BATF3: variants seen among roughly 807,000 people sequenced by gnomAD.
BATF3 encodes the protein basic leucine zipper ATF-like transcription factor 3, also known as basic leucine zipper transcriptional factor ATF-like 3.
A neutral mutation model predicts 16.1 loss-of-function variants in BATF3; 8 were observed. The ratio of observed to expected loss-of-function variants is 0.50; its 90% CI spans 0.29 to 0.90. BATF3 has a LOEUF of 0.90. Among genes scored for constraint, BATF3 ranks in the 40% least tolerant of loss-of-function variants. The probability of loss-of-function intolerance (pLI) is 0.08; values close to 1 mark genes in which losing one functional copy is unlikely to be tolerated. For synonymous variants in BATF3, 74 were observed against 72.7 expected (o/e 1.02, Z -0.09); for missense variants, 139 against 167.0 (o/e 0.83, Z 0.92).
At position 212,699,581 on chromosome 1, in the gene BATF3, A is replaced by C; in HGVS notation, c.90+92T>G. 1 of 1,050,700 alleles carries C rather than the reference A, an allele frequency of 9.5e-7. No individual in the cohort carries two copies. The highest frequency in any genetic ancestry group is 1.2e-6 in the Non-Finnish European group (1 of 822,090). The allele number at this position is 1,050,700 out of a possible 1,614,324, so 65.1% of individuals were successfully genotyped here. A position where few individuals can be genotyped will look rare whatever the true frequency, so the allele number is the denominator to read the frequency against. On this transcript the variant is annotated intron_variant, in intron 1 of 2. Coordinates refer to ENST00000243440, the MANE Select transcript of BATF3 (RefSeq NM_018664.3). The surrounding 1 kb of genome is among the most constrained non-coding windows in gnomAD (Gnocchi z 4.4). Reference sequence around the variant, plus strand: ...CCGCCACCTCTGCACCTCCGCAGTCACCACCACGGAACTCCAGCACCCACC... The same window carrying C: ...CCGCCACCTCTGCACCTCCGCAGTCCCCACCACGGAACTCCAGCACCCACC...
rs377516321 is a variant in BATF3, at chr1:212,696,948, A to C, written c.195+13T>G. 3.7e-6 allele frequency: 6 copies of C among 1,611,148 alleles called. No homozygotes were observed. In the African/African-American group the frequency reaches 8.0e-5, roughly 22 times the overall value. On this transcript the variant is annotated intron_variant, in intron 2 of 2. Coordinates refer to ENST00000243440, the MANE Select transcript of BATF3 (RefSeq NM_018664.3). The stretch of plus-strand genomic sequence containing the variant: ...TGTGGCTCTAAGGTGGCTTGCCCCT[A>C]CCACGGTCTCACCTCATGGAGCTTG...
Position 212,699,806 on chromosome 1 carries a change from G to A in BATF3, c.-44C>T, listed in dbSNP as rs1437794787. On this transcript the variant is annotated 5_prime_UTR_variant, in exon 1 of 3. Coordinates refer to ENST00000243440, the MANE Select transcript of BATF3 (RefSeq NM_018664.3). The surrounding 1 kb of genome is among the most constrained non-coding windows in gnomAD (Gnocchi z 4.4). ...CCGGCCCGCCCCGCCCCGCCCGCGC[G>A]CCCTGCCCGTGGGGCTGCCTACGGG... 4.9e-6 allele frequency: 5 copies of A among 1,013,860 alleles called. No individual in the cohort carries two copies. Among genetic ancestry groups the A allele is most frequent in the Non-Finnish European group, 4.7e-6 (4 of 858,438 alleles). 62.8% of individuals were successfully genotyped at this position (1,013,860 alleles called of 1,614,324 possible). A position where few individuals can be genotyped will look rare whatever the true frequency, so the allele number is the denominator to read the frequency against.
chr1:212,687,996 A>AAAGAAAGGAAGGAAGG lies in BATF3; in HGVS notation c.196-1018_196-1017insCCTTCCTTCCTTTCTT, dbSNP rs1274002817. Among the ~76,000 whole-genome samples the AAAGAAAGGAAGGAAGG allele has an allele frequency of 4.9e-5, 5 of 101,334 alleles. No homozygotes were observed. The East Asian group carries it at 7.5e-4, about 15-fold the overall frequency. The allele number at this position is 101,334 out of a possible 152,430, so 66.5% of individuals were successfully genotyped here. On this transcript the variant is annotated intron_variant, in intron 2 of 2. Transcript: ENST00000243440. ...GAAAGAAAGAAAGAAAGAAAGAAAG[A>AAAGAAAGGAAGGAAGG]AAGGAAGGAAGGAAGGAAGGAAGGA...
chr1:212,699,624 G>T lies in BATF3; in HGVS notation c.90+49C>A. ...CACCCACCTCCTCGCCCCCCGCGGC[G>T]CGCCGGTCCCCGCACCCCACGGCCC... On this transcript the variant is annotated intron_variant, in intron 1 of 2. Coordinates refer to ENST00000243440, the MANE Select transcript of BATF3 (RefSeq NM_018664.3). This position sits in a 1 kb window ranked among gnomAD's most constrained non-coding sequence, Gnocchi z 4.4. The T allele has an allele frequency of 8.0e-7, 1 of 1,246,110 alleles. No individual in the cohort carries two copies. 77.2% of individuals were successfully genotyped at this position (1,246,110 alleles called of 1,614,324 possible).
chr1:212,688,407 G>T (rs1656913766), intron 2 of BATF3, among the ~76,000 whole-genome samples: 1 of 152,234 alleles, frequency 6.6e-6, no homozygotes, highest in African/African-American at 2.4e-5. Flanking sequence ...AAGCCGCTGA[G>T]GATTCTCTCT....
rs1656959799 is a variant in BATF3, at chr1:212,689,911, C to T, written c.196-2932G>A. Among the ~76,000 whole-genome samples, 1 of 149,730 alleles carries T rather than the reference C, an allele frequency of 6.7e-6. No homozygotes were observed. Among genetic ancestry groups the T allele is most frequent in the African/African-American group, 2.5e-5 (1 of 39,710 alleles). The stretch of plus-strand genomic sequence containing the variant: ...TCTGCAAACACACTCTCATACCCAG[C>T]CACAGACACTCTCACACACATACAC... On this transcript the variant is annotated intron_variant, in intron 2 of 2. Coordinates refer to ENST00000243440, the MANE Select transcript of BATF3 (RefSeq NM_018664.3). This position sits in a 1 kb window ranked among gnomAD's most constrained non-coding sequence, Gnocchi z 4.6.
In BATF3 at chr1:212,689,813, ACACACACTCT is replaced by A. The variant is rs1656955162; in HGVS notation, c.196-2844_196-2835del. Among the ~76,000 whole-genome samples, 1 of 150,194 alleles carries A rather than the reference ACACACACTCT, an allele frequency of 6.7e-6. No homozygotes were observed. Among genetic ancestry groups the A allele is most frequent in the South Asian group, 2.1e-4 (1 of 4,806 alleles). ...CACACACTCTCATACACAGCCCGAC[ACACACACTCT>A]CACACACACACACTCATACACAACC... On this transcript the variant is annotated intron_variant, in intron 2 of 2. Coordinates refer to ENST00000243440, the MANE Select transcript of BATF3 (RefSeq NM_018664.3). This position sits in a 1 kb window ranked among gnomAD's most constrained non-coding sequence, Gnocchi z 4.6.
chr1:212,697,045 C>G lies in BATF3; in HGVS notation c.111G>C (p.Arg37Ser). 1.2e-6 allele frequency: 2 copies of G among 1,614,156 alleles called. No individual in the cohort carries two copies. The highest frequency in any genetic ancestry group is 1.7e-6 in the Non-Finnish European group (2 of 1,180,020). Residue 37 changes from arginine to serine, a missense_variant, in exon 2 of 3, where the codon AGG becomes AGC. By Grantham distance (110) the Arg-to-Ser change is moderately radical. Coordinates refer to ENST00000243440, the MANE Select transcript of BATF3 (RefSeq NM_018664.3). ...PQQQSPEDDD[R>S]KVRRREKNRV... ...GGTTTTTTTCTCTCCTTCGGACCTT[C>G]CTGTCATCATCCTCAGGGCTCTGGG...
intron 2 of BATF3, among the ~76,000 whole-genome samples, chr1:212,692,765 C>T (rs1457008017): frequency 1.3e-5 from 2 of 152,222 alleles, no homozygotes; most frequent in African/African-American, 4.8e-5. Context: ...AACAAGTTTG[C>T]TCCAAATATC....
chr1:212,688,823 T>G (rs1243438803), intron 2 of BATF3, among the ~76,000 whole-genome samples: 1 of 152,220 alleles, frequency 6.6e-6, no homozygotes, highest in Non-Finnish European at 1.5e-5. Context: ...TGTTGTACCA[T>G]GCACACCATG....
chr1:212,693,554 G>A (rs1657052907), intron 2 of BATF3, among the ~76,000 whole-genome samples: 2 of 152,242 alleles, frequency 1.3e-5, no homozygotes, highest in African/African-American at 4.8e-5. Context: ...CTTCCGTGGA[G>A]TGTCTGGGCT....
chr1:212,698,055 C>A (rs904999501), intron 1 of BATF3: 1 of 152,196 alleles, frequency 6.6e-6, no homozygotes, highest in African/African-American at 2.4e-5. Flanking sequence ...AGACACACAT[C>A]TTCCCAAGTT....
chr1:212,695,838 G>A (rs921907094), intron 2 of BATF3, among the ~76,000 whole-genome samples: 2 of 152,214 alleles, frequency 1.3e-5, no homozygotes, highest in African/African-American at 4.8e-5. Flanking sequence ...CATGAGGGCG[G>A]AGGGAAAAGG....
rs1308080116 is a variant in BATF3 at position 212,699,296 on chromosome 1, C to T, written c.90+377G>A. On this transcript the variant is annotated intron_variant, in intron 1 of 2. Coordinates refer to ENST00000243440, the MANE Select transcript of BATF3 (RefSeq NM_018664.3). This position sits in a 1 kb window ranked among gnomAD's most constrained non-coding sequence, Gnocchi z 4.4. ...GGGAATCCTGGAGGGGCTACAGGCG[C>T]GGGTGGTGGGGTGGCAGTCGCTGGC... 6.6e-6 allele frequency among the ~76,000 whole-genome samples: 1 copy of T among 152,040 alleles called. No individual in the cohort carries two copies. The highest frequency in any genetic ancestry group is 1.5e-5 in the Non-Finnish European group (1 of 67,990).
chr1:212,696,843 C>G (rs1487076195), intron 2 of BATF3, 118 bp downstream of exon 2: 1 of 767,498 alleles, frequency 1.3e-6, no homozygotes, highest in East Asian at 2.5e-5. Flanking sequence ...AAGGACCTGG[C>G]AGAAATTAGA....
At chr1:212,696,879 A>G (rs968037131) in intron 2 of BATF3, 82 bp downstream of exon 2, 1 of 1,008,288 alleles carries the variant, frequency 9.9e-7, no homozygotes, top group Non-Finnish European at 1.6e-6. Flanking sequence ...AATCGTGATA[A>G]AGAGAACAGT....
rs1657219541 is a variant in BATF3 at position 212,699,579 on chromosome 1, T to G, written c.90+94A>C. The G allele has an allele frequency of 9.5e-7, 1 of 1,055,780 alleles. No homozygotes were observed. Among genetic ancestry groups the G allele is most frequent in the Non-Finnish European group, 1.2e-6 (1 of 826,894 alleles). 65.4% of individuals were successfully genotyped at this position (1,055,780 alleles called of 1,614,324 possible). A position where few individuals can be genotyped will look rare whatever the true frequency, so the allele number is the denominator to read the frequency against. On this transcript the variant is annotated intron_variant, in intron 1 of 2. Transcript: ENST00000243440. The surrounding 1 kb of genome is among the most constrained non-coding windows in gnomAD (Gnocchi z 4.4). ...ACCCGCCACCTCTGCACCTCCGCAG[T>G]CACCACCACGGAACTCCAGCACCCA... is the stretch of plus-strand genomic sequence containing the variant.
Position 212,699,676 on chromosome 1 carries a change from C to A in BATF3, c.87G>T (p.Gln29His). 2 of 1,341,366 alleles carry A rather than the reference C, an allele frequency of 1.5e-6. No individual in the cohort carries two copies. The highest frequency in any genetic ancestry group is 1.9e-5 in the South Asian group (1 of 53,840). 83.1% of individuals were successfully genotyped at this position (1,341,366 alleles called of 1,614,324 possible). A position where few individuals can be genotyped will look rare whatever the true frequency, so the allele number is the denominator to read the frequency against. The change falls in exon 1 of 3, where the codon CAG becomes CAT. Residue 29 changes from glutamine (Q) to histidine (H), a missense_variant. Coordinates refer to ENST00000243440, the MANE Select transcript of BATF3 (RefSeq NM_018664.3). The surrounding 1 kb of genome is among the most constrained non-coding windows in gnomAD (Gnocchi z 4.4). ...CCCTGAGCCTCTCGCCCTCTACCTG[C>A]TGCTGCGGCTGCGGCTGCGGCTGGT... is the stretch of plus-strand genomic sequence containing the variant. ...PGNQPQPQPQ[Q>H]QSPEDDDRKV...
Position 212,699,792 on chromosome 1 carries a change from C to CGCCCCGCCCGCGCGCCCT in BATF3, c.-48_-31dup. 5.1e-6 allele frequency: 6 copies of CGCCCCGCCCGCGCGCCCT among 1,170,096 alleles called. No homozygotes were observed. Among genetic ancestry groups the CGCCCCGCCCGCGCGCCCT allele is most frequent in the Admixed American group, 9.3e-5 (2 of 21,430 alleles). The allele number at this position is 1,170,096 out of a possible 1,614,324, so 72.5% of individuals were successfully genotyped here. A position where few individuals can be genotyped will look rare whatever the true frequency, so the allele number is the denominator to read the frequency against. On this transcript the variant is annotated 5_prime_UTR_variant, in exon 1 of 3. Coordinates refer to ENST00000243440, the MANE Select transcript of BATF3 (RefSeq NM_018664.3). The surrounding 1 kb of genome is among the most constrained non-coding windows in gnomAD (Gnocchi z 4.4). Reference sequence around the variant, plus strand: ...GGCGCTCCTCTGGCCCGGCCCGCCCCGCCCCGCCCGCGCGCCCTGCCCGTG... The same window carrying CGCCCCGCCCGCGCGCCCT: ...GGCGCTCCTCTGGCCCGGCCCGCCCCGCCCCGCCCGCGCGCCCTGCCCCGCCCGCGCGCCCTGCCCGTG...
Sources: gnomAD v4.1 joint callset for allele counts (sites outside exome capture counted in the v4.1 genomes callset) on GRCh38, gnomAD v4.1.1 for gene constraint, Gnocchi (gnomAD v3.1) non-coding constraint, MANE v1.5 for transcripts, NCBI Gene and HGNC (gene_info 2026-07-23, HGNC 2026-07-21) for gene names.